The following LSG1 variants were observed in gnomAD, a reference collection of about 807,000 sequenced individuals.
The protein encoded by LSG1 is large 60S subunit nuclear export GTPase 1.
In LSG1, 55 loss-of-function variants were observed where a neutral mutation model predicts 82.6. The ratio of observed to expected loss-of-function variants is 0.67; its 90% CI spans 0.54 to 0.83. The LOEUF (loss-of-function observed/expected upper bound fraction) is 0.83. LSG1 is among the 40% of genes least tolerant of loss of function. The pLI is 0.00. For missense variants in LSG1, 809 were observed against 807.9 expected, an observed-to-expected ratio of 1.00 and a Z score of -0.02; for synonymous variants, 272 against 282.5, an observed-to-expected ratio of 0.96 and a Z score of 0.37.
rs748024368 is a variant in LSG1, at chr3:194,658,989, C to G, written c.727G>C (p.Ala243Pro). Reference sequence around the variant, plus strand: ...TCACCATTCAGGGGAATGGCTCCGGCCAAAGCTGACCAGAAAATAACCTTC... The same window carrying G: ...TCACCATTCAGGGGAATGGCTCCGGGCAAAGCTGACCAGAAAATAACCTTC... The part of the protein sequence containing the change: ...DVKVIFWSAL[A>P]GAIPLNGDSE... The change falls in exon 7 of 14, where the codon GCC (alanine) becomes CCC (proline). Residue 243 changes from alanine (A) to proline (P), a missense_variant. Coordinates refer to ENST00000265245, the MANE Select transcript of LSG1 (RefSeq NM_018385.3). 1 of 1,614,182 alleles carries G rather than the reference C, an allele frequency of 6.2e-7. No individual in the cohort carries two copies. The highest frequency in any genetic ancestry group is 8.5e-7 in the Non-Finnish European group (1 of 1,180,008).
At chr3:194,658,869 T>C in intron 7 of LSG1, 88 bp downstream of exon 7, 1 of 1,303,436 alleles carries the variant, frequency 7.7e-7, no homozygotes, top group Non-Finnish European at 1.1e-6. Context: ...AGATTTTCCA[T>C]AAGAATAAAC....
At chr3:194,666,364 T>A (rs549273514) in intron 3 of LSG1, 75 bp from the exon 4 acceptor site, 8 of 1,598,378 alleles carry the variant, frequency 5.0e-6, no homozygotes, top group Non-Finnish European at 6.0e-6. Flanking sequence ...GATCTAATAA[T>A]GGCAGCTGAG....
rs764503372 is a variant in LSG1, at chr3:194,658,962, A to G, written c.754T>C (p.Ser252Pro). Residue 252 changes from serine to proline, a missense_variant, in exon 7 of 14, where the codon TCT (serine) becomes CCT (proline). Coordinates refer to ENST00000265245, the MANE Select transcript of LSG1 (RefSeq NM_018385.3). ...LAGAIPLNGD[S>P]EEEANRDDRQ... ...TAAAATGTCCCTCAGGTTACCTCAG[A>G]GTCACCATTCAGGGGAATGGCTCCG... is the stretch of plus-strand genomic sequence containing the variant. 11 of 1,612,462 alleles carry G rather than the reference A, an allele frequency of 6.8e-6. No homozygotes were observed. The East Asian group carries it at 2.2e-4, about 33-fold the overall frequency.
In LSG1 at chr3:194,653,062, G is replaced by C. The variant is rs775209345; in HGVS notation, c.840C>G (p.His280Gln). 1.2e-6 allele frequency: 2 copies of C among 1,614,104 alleles called. No individual in the cohort carries two copies. The highest frequency in any genetic ancestry group is 4.5e-5 in the East Asian group (2 of 44,902). Residue 280 changes from histidine (H) to glutamine (Q), a missense_variant, in exon 8 of 14, where the codon CAC becomes CAG. By Grantham distance (24) the His-to-Gln change is conservative. Coordinates refer to ENST00000265245, the MANE Select transcript of LSG1 (RefSeq NM_018385.3). Reference protein sequence around the residue: ...HSSFDQAEISHSESEHLPARD... With the variant: ...HSSFDQAEISQSESEHLPARD... ...TAGCTGGGAGATGTTCGGATTCACT[G>C]TGGGAAATTTCAGCCTGGTCGAAAC...
At chr3:194,669,920 G>C in intron 2 of LSG1, 89 bp downstream of exon 2, 2 of 1,460,828 alleles carry the variant, frequency 1.4e-6, no homozygotes, top group Non-Finnish European at 1.9e-6. Flanking sequence ...GACAGAGCGA[G>C]ACTCCATCTC....
At chr3:194,657,888 G>A (rs951788551) in intron 7 of LSG1, among the ~76,000 whole-genome samples, 5 of 152,104 alleles carry the variant, frequency 3.3e-5, no homozygotes, top group African/African-American at 7.2e-5. Flanking sequence ...GCATCCTGTC[G>A]CTTAAAATAG....
chr3:194,652,746 G>A lies in LSG1; in HGVS notation c.1156C>T (p.Gln386Ter), dbSNP rs764244300. ...CATCTTACCAGTCCGACCGTAAGTT[G>A]CCCATCTTTCACCTTTCTCCCAGTG... ...LHTGRKVKDG[Q>*]LTVGLVGYPN... Residue 386 changes from glutamine to a stop codon, truncating the protein, a stop_gained, in exon 8 of 14, where the codon CAA becomes TAA. Coordinates refer to ENST00000265245, the MANE Select transcript of LSG1 (RefSeq NM_018385.3). LOFTEE classifies it high-confidence loss of function. The A allele has an allele frequency of 5.0e-6, 8 of 1,613,260 alleles. No individual in the cohort carries two copies. In the Admixed American group the frequency reaches 1.3e-4, roughly 27 times the overall value.
chr3:194,667,262 G>C (rs559874665), intron 2 of LSG1, among the ~76,000 whole-genome samples: 3 of 152,164 alleles, frequency 2.0e-5, no homozygotes, highest in Non-Finnish European at 2.9e-5. Flanking sequence ...TGTTGGCCAG[G>C]CTGGTCTCGA....
intron 5 of LSG1, among the ~76,000 whole-genome samples, chr3:194,663,002 TAA>T (rs1463559522): frequency 6.6e-6 from 1 of 152,136 alleles, no homozygotes; most frequent in Non-Finnish European, 1.5e-5. Context: ...GCCTCTTCCG[TAA>T]AAGTCAGAAA....
At chr3:194,651,355 T>C (rs1027705580) in intron 8 of LSG1, 139 bp from the exon 9 acceptor site, 12 of 643,378 alleles carry the variant, frequency 1.9e-5, no homozygotes, top group Non-Finnish European at 3.0e-5. Flanking sequence ...GCTGTGTTTG[T>C]TGAGACATCT....
chr3:194,657,165 AG>A (rs1380459006), intron 7 of LSG1, among the ~76,000 whole-genome samples: 1 of 132,916 alleles, frequency 7.5e-6, no homozygotes, highest in African/African-American at 2.8e-5. Context: ...AAAATTAAAA[AG>A]AAAAAAAAGG....
At chr3:194,669,728 T>C (rs141716238) in intron 2 of LSG1, among the ~76,000 whole-genome samples, 5,428 of 152,156 alleles carry the variant, frequency 0.036, 339 homozygotes, top group African/African-American at 0.13. Context: ...GGTCAGGAGA[T>C]CAAGAACATC....
intron 2 of LSG1, among the ~76,000 whole-genome samples, chr3:194,667,241 G>A (rs1014626144): frequency 8.5e-5 from 13 of 152,072 alleles, no homozygotes; most frequent in African/African-American, 3.1e-4. Context: ...AGTAGAGACG[G>A]GGTTTTGCCA....
chr3:194,669,442 C>T (rs1316690834), intron 2 of LSG1, among the ~76,000 whole-genome samples: 1 of 152,100 alleles, frequency 6.6e-6, no homozygotes, highest in East Asian at 1.9e-4. Context: ...AGCCTTAAAC[C>T]TTTGTTCTCT....
chr3:194,648,740 C>CT lies in LSG1; in HGVS notation c.1483dup (p.Arg495LysfsTer4), dbSNP rs1229395735. On this transcript the variant is annotated frameshift_variant, in exon 11 of 14. Coordinates refer to ENST00000265245, the MANE Select transcript of LSG1 (RefSeq NM_018385.3). LOFTEE classifies it high-confidence loss of function. ...AGGTCGGTGGGGATCTTCATCCTCTCTAGGCGTTATGATGTTAATGCCATA... is the reference window on the plus strand; with the variant it reads ...AGGTCGGTGGGGATCTTCATCCTCTCTTAGGCGTTATGATGTTAATGCCATA... 3.1e-6 allele frequency: 5 copies of CT among 1,613,928 alleles called. No homozygotes were observed. The African/African-American group carries it at 5.3e-5, about 17-fold the overall frequency.
intron 6 of LSG1, 54 bp from the exon 7 acceptor site, chr3:194,659,187 G>T: frequency 3.5e-6 from 5 of 1,427,324 alleles, no homozygotes; most frequent in Non-Finnish European, 4.8e-6. Flanking sequence ...AAAAAAATGA[G>T]GCTAATTATA....
chr3:194,643,024 G>A (rs1440975470), intron 13 of LSG1, among the ~76,000 whole-genome samples: 1 of 152,130 alleles, frequency 6.6e-6, no homozygotes, highest in East Asian at 1.9e-4. Context: ...ATAAAGCACG[G>A]GATAAATACA....
intron 1 of LSG1, among the ~76,000 whole-genome samples, chr3:194,671,002 A>G (rs1240832025): frequency 6.6e-6 from 1 of 152,166 alleles, no homozygotes; most frequent in Non-Finnish European, 1.5e-5. Flanking sequence ...CAGGGGGATT[A>G]TTTGTGCCCA....
At chr3:194,658,151 A>G (rs947279933) in intron 7 of LSG1, among the ~76,000 whole-genome samples, 2 of 151,520 alleles carry the variant, frequency 1.3e-5, no homozygotes, top group East Asian at 1.9e-4. Context: ...AGCTGTTGTT[A>G]TTATTATTAT....
Sources: gnomAD v4.1 joint callset for allele counts (sites outside exome capture counted in the v4.1 genomes callset) on GRCh38, gnomAD v4.1.1 for gene constraint, MANE v1.5 for transcripts, NCBI Gene and HGNC (gene_info 2026-07-23, HGNC 2026-07-21) for gene names.